The following IQGAP1 variants were observed in gnomAD, a reference collection of about 807,000 sequenced individuals.
IQGAP1 encodes the protein ras GTPase-activating-like protein IQGAP1.
Under a neutral mutation model 215.6 loss-of-function variants are expected in IQGAP1, and 66 were observed. The ratio of observed to expected loss-of-function variants is 0.31; its 90% CI spans 0.25 to 0.38. The LOEUF (loss-of-function observed/expected upper bound fraction) is 0.38. Ranked by LOEUF, IQGAP1 falls within the 10% of genes least tolerant of loss-of-function variation. The pLI is 1.00. For missense variants in IQGAP1, 1,712 were observed against 1,997.1 expected, an observed-to-expected ratio of 0.86 and a Z score of 2.72; for synonymous variants, 772 against 728.7, an observed-to-expected ratio of 1.06 and a Z score of -0.96.
rs1966096841 is a variant in IQGAP1 at position 90,484,297 on chromosome 15, C to A, written c.3866C>A (p.Thr1289Asn). Residue 1289 changes from threonine to asparagine, a missense_variant, in exon 30 of 38, where the codon ACC becomes AAC. Thr to Asn is a moderately conservative substitution (Grantham distance 65). Coordinates refer to ENST00000268182, the MANE Select transcript of IQGAP1 (RefSeq NM_003870.4). Reference sequence around the variant, plus strand: ...GTGGATGAGTACTCTGATTTAGTAACCCTCACCAAACCAGTAATCTACATT... The same window carrying A: ...GTGGATGAGTACTCTGATTTAGTAAACCTCACCAAACCAGTAATCTACATT... ...FNVDEYSDLV[T>N]LTKPVIYISI... is the part of the protein sequence containing the mutation. The A allele has an allele frequency of 1.9e-6, 3 of 1,612,532 alleles. No individual in the cohort carries two copies. The highest frequency in any genetic ancestry group is 2.2e-5 in the South Asian group (2 of 91,042).
intron 34 of IQGAP1, 142 bp downstream of exon 34, chr15:90,491,687 C>A (rs1221161166): frequency 2.9e-6 from 2 of 678,658 alleles, no homozygotes; most frequent in Non-Finnish European, 5.0e-6. Flanking sequence ...ATCTGACTCT[C>A]CAGCATGAGG....
rs374743254 is a variant in IQGAP1, at chr15:90,487,488, G to A, written c.4161-7G>A. On this transcript the variant is annotated splice_region_variant and splice_polypyrimidine_tract_variant and intron_variant, in intron 32 of 37. Coordinates refer to ENST00000268182, the MANE Select transcript of IQGAP1 (RefSeq NM_003870.4). ...AATATTTAAATGCCTCCCCCATCTC[G>A]TTTCAGTACAAAACGTTTAATTGTG... is the stretch of plus-strand genomic sequence containing the variant. The A allele has an allele frequency of 3.2e-5, 52 of 1,609,640 alleles. No homozygotes were observed. In the East Asian group the frequency reaches 5.6e-4, roughly 17 times the overall value.
At chr15:90,481,035 G>T (rs534968719) in intron 26 of IQGAP1, among the ~76,000 whole-genome samples, 79 of 152,304 alleles carry the variant, frequency 5.2e-4, no homozygotes, top group African/African-American at 1.8e-3. Flanking sequence ...ACAACCGAAA[G>T]TCATGGTCTC....
At chr15:90,449,675 A>C (rs956233582) in intron 11 of IQGAP1, 32 bp downstream of exon 11, 1 of 1,562,408 alleles carries the variant, frequency 6.4e-7, no homozygotes, top group African/African-American at 1.4e-5. Flanking sequence ...ATGGGAGGAA[A>C]GTTGTGGCTT....
At chr15:90,447,836 G>A (rs1018839600) in intron 9 of IQGAP1, among the ~76,000 whole-genome samples, 2 of 152,052 alleles carry the variant, frequency 1.3e-5, no homozygotes, top group Admixed American at 1.3e-4. Context: ...AGGAACATCT[G>A]GGTTTTCATT....
intron 14 of IQGAP1, among the ~76,000 whole-genome samples, chr15:90,455,591 C>G (rs1965667306): frequency 6.6e-6 from 1 of 152,182 alleles, no homozygotes; most frequent in Non-Finnish European, 1.5e-5. Flanking sequence ...AGTGAACGTT[C>G]CTAATTTTAA....
chr15:90,476,243 AT>A (rs1965978070), intron 23 of IQGAP1, among the ~76,000 whole-genome samples: 1 of 152,070 alleles, frequency 6.6e-6, no homozygotes, highest in Non-Finnish European at 1.5e-5. Flanking sequence ...CATAAATATT[AT>A]TTTTAACAGT....
chr15:90,396,031 T>C (rs1054324931), intron 2 of IQGAP1, among the ~76,000 whole-genome samples: 2 of 152,196 alleles, frequency 1.3e-5, no homozygotes, highest in Non-Finnish European at 2.9e-5. Flanking sequence ...CGCTGGCTGG[T>C]TGGAGACTGT....
intron 2 of IQGAP1, among the ~76,000 whole-genome samples, chr15:90,401,168 C>T (rs2151003287): frequency 6.6e-6 from 1 of 152,138 alleles, no homozygotes; most frequent in Admixed American, 6.5e-5. Flanking sequence ...GGCTCTGCTC[C>T]TTAATTTTTC....
chr15:90,453,821 G>A (rs754036989), intron 13 of IQGAP1, among the ~76,000 whole-genome samples: 1 of 152,076 alleles, frequency 6.6e-6, no homozygotes, highest in Non-Finnish European at 1.5e-5. Context: ...TTCTAGGCTT[G>A]TCACGATTCA....
At chr15:90,413,350 C>T (rs756483109) in intron 2 of IQGAP1, among the ~76,000 whole-genome samples, 1 of 152,122 alleles carries the variant, frequency 6.6e-6, no homozygotes, top group Non-Finnish European at 1.5e-5. Flanking sequence ...GAAGAATTTA[C>T]TGACAGCAGT....
rs1274008933 is a variant in IQGAP1 at position 90,453,294 on chromosome 15, T to C, written c.1487+2T>C. On this transcript the variant is annotated splice_donor_variant, in intron 13 of 37. Coordinates refer to ENST00000268182, the MANE Select transcript of IQGAP1 (RefSeq NM_003870.4). LOFTEE classifies it high-confidence loss of function. ...TATTGAGGAAGAAAACTGTCAGAGGTGGGTGTCCAGAGTGAAGGGAATAAA... is the reference window on the plus strand; with the variant it reads ...TATTGAGGAAGAAAACTGTCAGAGGCGGGTGTCCAGAGTGAAGGGAATAAA... The C allele has an allele frequency of 6.2e-7, 1 of 1,609,276 alleles. No individual in the cohort carries two copies. Among genetic ancestry groups the C allele is most frequent in the Non-Finnish European group, 8.5e-7 (1 of 1,177,576 alleles).
At chr15:90,485,961 T>TA (rs1966120489) in intron 30 of IQGAP1, 69 bp from the exon 31 acceptor site, 2 of 1,168,226 alleles carry the variant, frequency 1.7e-6, no homozygotes, top group Admixed American at 1.9e-5. Flanking sequence ...AGATCATTGT[T>TA]AGACATTCTA....
chr15:90,478,707 C>T (rs9635403), intron 26 of IQGAP1, among the ~76,000 whole-genome samples: 2 of 152,110 alleles, frequency 1.3e-5, no homozygotes, highest in Non-Finnish European at 2.9e-5. Flanking sequence ...TCTGAACACT[C>T]TAAGCTGGAG....
chr15:90,432,088 A>C (rs1440225137), intron 4 of IQGAP1, among the ~76,000 whole-genome samples: 2 of 152,148 alleles, frequency 1.3e-5, no homozygotes, highest in African/African-American at 4.8e-5. Context: ...ATTTATTCTC[A>C]AGACTTGCTG....
chr15:90,424,268 G>C (rs1430322677), intron 2 of IQGAP1, among the ~76,000 whole-genome samples: 1 of 152,092 alleles, frequency 6.6e-6, no homozygotes, highest in Non-Finnish European at 1.5e-5. Context: ...ATTGCCCTTT[G>C]CATCTTTAGG....
chr15:90,478,954 A>C lies in IQGAP1; in HGVS notation c.3329+1065A>C, dbSNP rs1018172558. Among the ~76,000 whole-genome samples, 3 of 152,248 alleles carry C rather than the reference A, an allele frequency of 2.0e-5. 1 individual carries two copies. The East Asian group carries it at 5.8e-4, about 29-fold the overall frequency. On this transcript the variant is annotated intron_variant, in intron 26 of 37. Transcript: ENST00000268182. ...TATCTAAAGCAAAAGTGTGCCAATC[A>C]AATATTGGTAATGCTGGGAAAAGGG...
chr15:90,441,834 A>G (rs935869216), intron 8 of IQGAP1, 150 bp downstream of exon 8: 1 of 651,792 alleles, frequency 1.5e-6, no homozygotes, highest in Non-Finnish European at 2.6e-6. Context: ...TTTGAAAAGT[A>G]TATGTGATCA....
intron 2 of IQGAP1, among the ~76,000 whole-genome samples, chr15:90,418,216 T>G (rs1007633548): frequency 6.7e-6 from 1 of 149,450 alleles, no homozygotes; most frequent in Non-Finnish European, 1.5e-5. Flanking sequence ...ATAGACACCT[T>G]TTTTTTTTTG....
Sources: allele counts gnomAD v4.1 joint callset (sites outside exome capture counted in the v4.1 genomes callset), GRCh38; gene constraint gnomAD v4.1.1; transcripts MANE v1.5; gene names NCBI Gene and HGNC (gene_info 2026-07-23, HGNC 2026-07-21).